Variants in CLYBL observed in about 807,000 individuals in gnomAD.
CLYBL encodes citramalyl-CoA lyase, mitochondrial.
Under a neutral mutation model 38.9 loss-of-function variants are expected in CLYBL, and 31 were observed. The ratio of observed to expected loss-of-function variants is 0.80; its 90% CI spans 0.60 to 1.08. CLYBL has a LOEUF of 1.08. CLYBL is among the 50% of genes least tolerant of loss of function. The probability of loss-of-function intolerance (pLI) is 0.00; values close to 1 mark genes in which losing one functional copy is unlikely to be tolerated. For synonymous variants in CLYBL, 171 were observed against 158.6 expected (o/e 1.08, Z -0.59); for missense variants, 434 against 411.6 (o/e 1.05, Z -0.47).
At chr13:99,903,396 ACACACATACACT>A (rs2052662449) in intron 8 of CLYBL, among the ~76,000 whole-genome samples, 2 of 150,334 alleles carry the variant, frequency 1.3e-5, no homozygotes, top group African/African-American at 2.4e-5. Flanking sequence ...GCACACTGAC[ACACACATACACT>A]CACACACTCG....
At chr13:99,809,377 C>T (rs12431270) in intron 2 of CLYBL, among the ~76,000 whole-genome samples, 9,841 of 152,254 alleles carry the variant, frequency 0.065, 745 homozygotes, top group African/African-American at 0.17. Context: ...TGTGGAAGAC[C>T]ACCCTCTCCG....
intron 1 of CLYBL, among the ~76,000 whole-genome samples, chr13:99,665,270 G>A (rs1488751295): frequency 6.6e-6 from 1 of 151,582 alleles, no homozygotes; most frequent in Non-Finnish European, 1.5e-5. Flanking sequence ...AGCAAGACAG[G>A]GAAGCAGTCC....
chr13:99,705,046 A>G (rs1299216610), intron 1 of CLYBL, among the ~76,000 whole-genome samples: 2 of 152,256 alleles, frequency 1.3e-5, no homozygotes, highest in Non-Finnish European at 2.9e-5. Context: ...AGCATTAAAC[A>G]TAGAATAACT....
intron 9 of CLYBL, among the ~76,000 whole-genome samples, chr13:99,906,388 C>A (rs2052697380): frequency 6.6e-6 from 1 of 151,246 alleles, no homozygotes; most frequent in Non-Finnish European, 1.5e-5. Flanking sequence ...GAGTGAAAAT[C>A]AGAATTTGAA....
intron 1 of CLYBL, among the ~76,000 whole-genome samples, chr13:99,771,445 G>A (rs1390381980): frequency 1.3e-5 from 2 of 152,162 alleles, no homozygotes; most frequent in Admixed American, 1.3e-4. Flanking sequence ...CATACCTAGT[G>A]CTGATATAAT....
rs1420933880 is a variant in CLYBL at position 99,729,924 on chromosome 13, G to A, written c.63-42900G>A. Among the ~76,000 whole-genome samples, 21 of 152,146 alleles carry A rather than the reference G, an allele frequency of 1.4e-4. No individual in the cohort carries two copies. The East Asian group carries it at 3.7e-3, about 27-fold the overall frequency. On this transcript the variant is annotated intron_variant, in intron 1 of 8. Transcript: ENST00000339105. ...CCACCATTGGTACTGTGTCAGCATT[G>A]CTGGTGCACCTGCCACCGTCGGTCC...
intron 3 of CLYBL, among the ~76,000 whole-genome samples, chr13:99,859,271 C>G (rs144158107): frequency 1.3e-5 from 2 of 152,210 alleles, no homozygotes; most frequent in African/African-American, 2.4e-5. Context: ...AATGATGCTT[C>G]GCTTCCTAAT....
chr13:99,696,510 G>A (rs1356821320), intron 1 of CLYBL, among the ~76,000 whole-genome samples: 3 of 152,050 alleles, frequency 2.0e-5, no homozygotes, highest in African/African-American at 4.8e-5. Context: ...GCCACTGCAC[G>A]TGTCCTGTAA....
downstream of CLYBL, among the ~76,000 whole-genome samples, chr13:99,897,882 G>T (rs920467673): frequency 1.2e-4 from 18 of 152,016 alleles, no homozygotes; most frequent in South Asian, 2.3e-3. Context: ...GGAGGCAGAG[G>T]TTGCCCAAGA....
intron 1 of CLYBL, among the ~76,000 whole-genome samples, chr13:99,772,244 A>G (rs2049411364): frequency 1.3e-5 from 2 of 152,200 alleles, no homozygotes; most frequent in Non-Finnish European, 2.9e-5. Context: ...GTGTTTTCCA[A>G]GAAGAAATAC....
In CLYBL at chr13:99,682,107, T is replaced by A. The variant is rs147121223; in HGVS notation, c.62+75350T>A. 1.3e-3 allele frequency among the ~76,000 whole-genome samples: 197 copies of A among 152,228 alleles called. 2 individuals are homozygous for A. Among genetic ancestry groups the A allele is most frequent in the African/African-American group, 4.5e-3 (186 of 41,546 alleles). ...TACACAACATGTAGCTACTGAATAC[T>A]GTAGGCAATTGTAACACAGTGGTAA... On this transcript the variant is annotated intron_variant, in intron 1 of 8. Transcript: ENST00000339105.
At chr13:99,856,708 G>A (rs916079581) in intron 2 of CLYBL, among the ~76,000 whole-genome samples, 11 of 152,018 alleles carry the variant, frequency 7.2e-5, no homozygotes, top group African/African-American at 1.4e-4. Context: ...GTACAGTCTC[G>A]GCTCACTGCA....
intron 5 of CLYBL, 71 bp from the exon 6 acceptor site, chr13:99,866,169 T>C: frequency 6.9e-7 from 1 of 1,448,570 alleles, no homozygotes; most frequent in Non-Finnish European, 9.6e-7. Flanking sequence ...CAAACTGAGG[T>C]TTTATAATAA....
intron 1 of CLYBL, among the ~76,000 whole-genome samples, chr13:99,664,193 T>C (rs2139341040): frequency 6.6e-6 from 1 of 152,352 alleles, no homozygotes; most frequent in East Asian, 1.9e-4. Context: ...CCAATCCCCT[T>C]GGACAAAAGT....
chr13:99,752,296 G>T (rs1431346581), intron 1 of CLYBL, among the ~76,000 whole-genome samples: 3 of 152,094 alleles, frequency 2.0e-5, no homozygotes, highest in African/African-American at 7.2e-5. Flanking sequence ...CTGCCACCCA[G>T]CCTAGCTTGG....
intron 1 of CLYBL, among the ~76,000 whole-genome samples, chr13:99,698,020 G>C (rs933990063): frequency 1.3e-5 from 2 of 152,158 alleles, no homozygotes; most frequent in African/African-American, 4.8e-5. Context: ...TGTGCATTTG[G>C]TTTCATGTGT....
At chr13:99,617,598 A>G (rs2046732050) in intron 1 of CLYBL, among the ~76,000 whole-genome samples, 1 of 151,834 alleles carries the variant, frequency 6.6e-6, no homozygotes, top group Non-Finnish European at 1.5e-5. Flanking sequence ...TGGGAGATGC[A>G]CGCAGTCTCT....
At chr13:99,900,677 C>CTCTTATCTGAT (rs2052632050), downstream of CLYBL, among the ~76,000 whole-genome samples, 1 of 152,200 alleles carries the variant, frequency 6.6e-6, no homozygotes, top group African/African-American at 2.4e-5. Flanking sequence ...CTCCACTAAA[C>CTCTTATCTGAT]CACACAGCTT....
intron 1 of CLYBL, among the ~76,000 whole-genome samples, chr13:99,731,945 C>T (rs1456659612): frequency 3.9e-5 from 6 of 152,142 alleles, no homozygotes; most frequent in Non-Finnish European, 7.4e-5. Flanking sequence ...GATGTGGTGA[C>T]ATACTTTGGA....
Sources: gnomAD v4.1 joint callset for allele counts (sites outside exome capture counted in the v4.1 genomes callset) on GRCh38, gnomAD v4.1.1 for gene constraint, MANE v1.5 for transcripts, NCBI Gene and HGNC (gene_info 2026-07-23, HGNC 2026-07-21) for gene names.